Variants in LRMDA observed in about 807,000 individuals in gnomAD.
LRMDA encodes the protein leucine rich melanocyte differentiation associated.
In LRMDA, 18 loss-of-function variants were observed where a neutral mutation model predicts 29.8. That is an observed-to-expected ratio of 0.60 (90% CI 0.42 to 0.90). LRMDA has a LOEUF of 0.90. LRMDA is among the 40% of genes least tolerant of loss of function. The pLI is 0.00. For synonymous variants in LRMDA, 125 were observed against 109.4 expected, an observed-to-expected ratio of 1.14 and a Z score of -0.89; for missense variants, 273 against 273.9, an observed-to-expected ratio of 1.00 and a Z score of 0.02.
At chr10:75,713,044 G>T (rs897026749) in intron 2 of LRMDA, among the ~76,000 whole-genome samples, 2 of 152,168 alleles carry the variant, frequency 1.3e-5, no homozygotes, top group Non-Finnish European at 2.9e-5. Context: ...CTTTAGGGAG[G>T]CATGGGATAG....
chr10:76,268,561 G>A (rs1480036489), intron 5 of LRMDA, among the ~76,000 whole-genome samples: 1 of 152,200 alleles, frequency 6.6e-6, no homozygotes, highest in Non-Finnish European at 1.5e-5. Context: ...AGGAAAGCCT[G>A]CATCAAGGAC....
At chr10:75,653,274 G>C (rs1841621914) in intron 2 of LRMDA, among the ~76,000 whole-genome samples, 1 of 152,196 alleles carries the variant, frequency 6.6e-6, no homozygotes, top group African/African-American at 2.4e-5. Flanking sequence ...ATCGTGAAGA[G>C]AAAAACCTGC....
chr10:76,388,112 G>A (rs754814154), intron 6 of LRMDA, among the ~76,000 whole-genome samples: 4 of 152,148 alleles, frequency 2.6e-5, no homozygotes, highest in Non-Finnish European at 4.4e-5. Context: ...TGAAATGTGC[G>A]ATACAGCTAG....
Position 76,428,810 on chromosome 10 carries a change from C to A in LRMDA, c.601+104325C>A, listed in dbSNP as rs776573965. 9.9e-4 allele frequency among the ~76,000 whole-genome samples: 151 copies of A among 152,122 alleles called. 1 individual carries two copies. Among genetic ancestry groups the A allele is most frequent in the Non-Finnish European group, 2.0e-3 (135 of 68,032 alleles). On this transcript the variant is annotated intron_variant, in intron 6 of 6. Transcript: ENST00000611255. ...AACCATATTCAGGACTGCTAAATCC[C>A]AGCAACTTAAGGCTCTGCCAGGCAA...
chr10:76,125,461 A>C (rs912131034), intron 5 of LRMDA, among the ~76,000 whole-genome samples: 1 of 152,252 alleles, frequency 6.6e-6, no homozygotes, highest in African/African-American at 2.4e-5. Context: ...AGTTGCATGT[A>C]CTAATTGGAT....
rs536403620 is a variant in LRMDA, at chr10:76,147,364, C to G, written c.516+88581C>G. On this transcript the variant is annotated intron_variant, in intron 5 of 6. Coordinates refer to ENST00000611255, the MANE Select transcript of LRMDA (RefSeq NM_001305581.2). ...GGTCTTTTCACATAGTCCCATATTT[C>G]TTGGAGGCTTTGTTCATTTCTTTTT... 3.4e-3 allele frequency among the ~76,000 whole-genome samples: 510 copies of G among 152,238 alleles called. 2 individuals carry two copies. The highest frequency in any genetic ancestry group is 5.5e-3 in the Non-Finnish European group (377 of 67,986).
At chr10:76,549,955 T>G (rs1370142569) in intron 6 of LRMDA, among the ~76,000 whole-genome samples, 1 of 152,194 alleles carries the variant, frequency 6.6e-6, no homozygotes, top group African/African-American at 2.4e-5. Context: ...TTGTCGCAAT[T>G]TAGATCTGCA....
intron 2 of LRMDA, among the ~76,000 whole-genome samples, chr10:76,027,787 A>G (rs1265213850): frequency 6.6e-6 from 1 of 152,220 alleles, no homozygotes; most frequent in African/African-American, 2.4e-5. Flanking sequence ...TGTGTGTACT[A>G]TATTACATTG....
At chr10:75,669,010 T>C (rs1053525542) in intron 2 of LRMDA, among the ~76,000 whole-genome samples, 1 of 152,212 alleles carries the variant, frequency 6.6e-6, no homozygotes, top group Admixed American at 6.5e-5. Context: ...AATGAGCACT[T>C]AAGCAATGTC....
intron 2 of LRMDA, among the ~76,000 whole-genome samples, chr10:75,957,501 C>T (rs1476538421): frequency 6.6e-6 from 1 of 152,094 alleles, no homozygotes; most frequent in Non-Finnish European, 1.5e-5. Context: ...TTCTGCTGCA[C>T]GGTATTGTGA....
intron 2 of LRMDA, among the ~76,000 whole-genome samples, chr10:75,894,691 G>A (rs1281777062): frequency 6.6e-6 from 1 of 152,154 alleles, no homozygotes; most frequent in Non-Finnish European, 1.5e-5. Context: ...ATGTGAGAAT[G>A]CCATAAGATG....
intron 5 of LRMDA, among the ~76,000 whole-genome samples, chr10:76,233,370 A>G (rs936798808): frequency 1.3e-5 from 2 of 152,212 alleles, no homozygotes; most frequent in African/African-American, 4.8e-5. Flanking sequence ...ATTTTCAGTT[A>G]GTTACCATCT....
chr10:75,464,814 G>A (rs1844629864), intron 2 of LRMDA, among the ~76,000 whole-genome samples: 1 of 152,158 alleles, frequency 6.6e-6, no homozygotes, highest in Non-Finnish European at 1.5e-5. Context: ...AATATGTGCA[G>A]CCTCAAGGAC....
At chr10:76,519,390 A>G (rs1843096687) in intron 6 of LRMDA, among the ~76,000 whole-genome samples, 1 of 152,240 alleles carries the variant, frequency 6.6e-6, no homozygotes. Flanking sequence ...AACAAAACCT[A>G]TAGCATACTT....
intron 6 of LRMDA, among the ~76,000 whole-genome samples, chr10:76,409,322 A>G (rs1232514917): frequency 6.6e-6 from 1 of 152,178 alleles, no homozygotes; most frequent in Non-Finnish European, 1.5e-5. Context: ...TTGGAATGCT[A>G]AGCTTGTGGG....
At chr10:76,420,373 A>G (rs1842060375) in intron 6 of LRMDA, among the ~76,000 whole-genome samples, 2 of 151,954 alleles carry the variant, frequency 1.3e-5, no homozygotes, top group Non-Finnish European at 2.9e-5. Context: ...CAGGTACTAT[A>G]TTGATACTCC....
At chr10:76,506,333 A>G (rs1478649367) in intron 6 of LRMDA, among the ~76,000 whole-genome samples, 1 of 152,072 alleles carries the variant, frequency 6.6e-6, no homozygotes, top group East Asian at 1.9e-4. Flanking sequence ...TCATGTCTTC[A>G]GTCTACACTT....
rs780387174 is a variant in LRMDA, at chr10:75,663,882, C to A, written c.131+225388C>A. Reference sequence around the variant, plus strand: ...TTCCATGGCGAGGACTGCTGGGGAGCCCCACGTCAAACAAAATTCAACACT... The same window carrying A: ...TTCCATGGCGAGGACTGCTGGGGAGACCCACGTCAAACAAAATTCAACACT... On this transcript the variant is annotated intron_variant, in intron 2 of 6. Coordinates refer to ENST00000611255, the MANE Select transcript of LRMDA (RefSeq NM_001305581.2). Among the ~76,000 whole-genome samples, 167 of 152,188 alleles carry A rather than the reference C, an allele frequency of 1.1e-3. 1 individual carries two copies. The highest frequency in any genetic ancestry group is 2.3e-3 in the Non-Finnish European group (158 of 68,006).
intron 2 of LRMDA, among the ~76,000 whole-genome samples, chr10:75,528,624 A>G (rs1047487981): frequency 6.6e-5 from 10 of 152,192 alleles, no homozygotes; most frequent in African/African-American, 1.2e-4. Context: ...GAAACTCCAG[A>G]TGACAAGCCC....
Sources: gnomAD v4.1 joint callset for allele counts (sites outside exome capture counted in the v4.1 genomes callset) on GRCh38, gnomAD v4.1.1 for gene constraint, MANE v1.5 for transcripts, NCBI Gene and HGNC (gene_info 2026-07-23, HGNC 2026-07-21) for gene names.